ME3: variants seen among roughly 807,000 people sequenced by gnomAD.
ME3 encodes NADP-dependent malic enzyme, mitochondrial.
A neutral mutation model predicts 68.9 loss-of-function variants in ME3; 48 were observed. The observed-to-expected ratio is 0.70, with a 90% CI of 0.55 to 0.89. The LOEUF is 0.89. Among genes scored for constraint, ME3 ranks in the 40% least tolerant of loss-of-function variants. The probability of loss-of-function intolerance (pLI) is 0.00; values close to 1 mark genes in which losing one functional copy is unlikely to be tolerated. For missense variants in ME3, 675 were observed against 797.4 expected (o/e 0.85, Z 1.85); for synonymous variants, 320 against 318.8 (o/e 1.00, Z -0.04).
At chr11:86,658,342 C>T (rs546242959) in intron 2 of ME3, among the ~76,000 whole-genome samples, 45 of 151,804 alleles carry the variant, frequency 3.0e-4, no homozygotes, top group Non-Finnish European at 4.9e-4. Context: ...AGCCTGGTCT[C>T]GAACTCCTGA....
At chr11:86,623,393 C>T (rs1478776628) in intron 2 of ME3, among the ~76,000 whole-genome samples, 2 of 152,186 alleles carry the variant, frequency 1.3e-5, no homozygotes, top group African/African-American at 4.8e-5. Context: ...ACCTGGTGCT[C>T]CAACTTGCAG....
At chr11:86,481,458 G>A (rs1296076694) in intron 7 of ME3, among the ~76,000 whole-genome samples, 1 of 152,106 alleles carries the variant, frequency 6.6e-6, no homozygotes, top group Non-Finnish European at 1.5e-5. Context: ...TGTGGCATAG[G>A]AGCCTGAAGT....
In ME3 at chr11:86,651,057, G is replaced by A. The variant is rs900033863; in HGVS notation, c.183+20705C>T. On this transcript the variant is annotated intron_variant, in intron 2 of 14. Coordinates refer to ENST00000543262, the Ensembl canonical transcript of ME3. ...CAGCGAGGCTGGGGGAGGGGCACCC[G>A]CCATTGCTGAGGCTTGAGTAGGTAA... 1.6e-4 allele frequency among the ~76,000 whole-genome samples: 25 copies of A among 152,188 alleles called. No homozygotes were observed. The South Asian group carries it at 1.7e-3, about 10-fold the overall frequency.
At chr11:86,559,635 A>G (rs564524842) in intron 3 of ME3, 55 bp downstream of exon 3, 3 of 1,553,674 alleles carry the variant, frequency 1.9e-6, no homozygotes, top group African/African-American at 2.7e-5. Flanking sequence ...GAAGCACAGG[A>G]AACAGACAGC....
At chr11:86,609,289 A>T (rs1942387706) in intron 2 of ME3, among the ~76,000 whole-genome samples, 1 of 152,166 alleles carries the variant, frequency 6.6e-6, no homozygotes, top group African/African-American at 2.4e-5. Flanking sequence ...GACAGTGTAT[A>T]TACAGTGCCT....
chr11:86,573,614 C>G (rs1250942621), intron 2 of ME3, among the ~76,000 whole-genome samples: 2 of 151,886 alleles, frequency 1.3e-5, no homozygotes, highest in African/African-American at 4.9e-5. Flanking sequence ...TATCTGAATA[C>G]ACTTTATTTC....
intron 7 of ME3, among the ~76,000 whole-genome samples, chr11:86,475,854 T>TAC: frequency 1.3e-5 from 1 of 75,432 alleles, no homozygotes; most frequent in Non-Finnish European, 2.9e-5. Flanking sequence ...ATATTCAGTA[T>TAC]ATATATATAT....
At chr11:86,437,858 AGAAT>A (rs142909162), downstream of ME3, among the ~76,000 whole-genome samples, 1 of 150,806 alleles carries the variant, frequency 6.6e-6, no homozygotes, top group Non-Finnish European at 1.5e-5. Context: ...GAGGAGAGAG[AGAAT>A]GAATGAATGA....
Position 86,489,879 on chromosome 11 carries a change from C to G in ME3, c.706-2439G>C, listed in dbSNP as rs79272426. Among the ~76,000 whole-genome samples, 927 of 152,200 alleles carry G rather than the reference C, an allele frequency of 6.1e-3. 8 individuals carry two copies. The highest frequency in any genetic ancestry group is 0.021 in the African/African-American group (888 of 41,526). On this transcript the variant is annotated intron_variant, in intron 6 of 14. Transcript: ENST00000543262. Reference sequence around the variant, plus strand: ...CTCACTCATCTATTTCTCAAAGGACCCGAGAGGTAGGTCTCATCGTTTCCC... The same window carrying G: ...CTCACTCATCTATTTCTCAAAGGACGCGAGAGGTAGGTCTCATCGTTTCCC...
At chr11:86,543,310 A>G (rs1049117643) in intron 4 of ME3, among the ~76,000 whole-genome samples, 14 of 152,256 alleles carry the variant, frequency 9.2e-5, no homozygotes, top group African/African-American at 3.4e-4. Flanking sequence ...AACCATATTA[A>G]TCTTCAATGT....
At chr11:86,672,357 C>G (rs1213341864) in exon 1 of ME3, 2 of 170,256 alleles carry the variant, frequency 1.2e-5, no homozygotes, top group Non-Finnish European at 2.5e-5. Flanking sequence ...TCTACGCGGT[C>G]CCGCTGCGGA....
intron 4 of ME3, among the ~76,000 whole-genome samples, chr11:86,532,620 C>A (rs1955338370): frequency 6.6e-6 from 1 of 152,016 alleles, no homozygotes; most frequent in African/African-American, 2.4e-5. Flanking sequence ...TCTGAACAAC[C>A]CTTAGGTCAA....
chr11:86,595,306 T>TAGAGAGAGAGAGAGAG (rs34224480), intron 2 of ME3, among the ~76,000 whole-genome samples: 1 of 79,792 alleles, frequency 1.3e-5, no homozygotes, highest in Admixed American at 1.5e-4. Flanking sequence ...TATATATATA[T>TAGAGAGAGAGAGAGAG]AGAGAGAGAG....
intron 4 of ME3, among the ~76,000 whole-genome samples, chr11:86,536,969 A>T (rs1427130014): frequency 6.6e-6 from 1 of 151,950 alleles, no homozygotes; most frequent in Non-Finnish European, 1.5e-5. Context: ...AAAAATGATG[A>T]GTTCATGTCC....
At chr11:86,529,476 A>G (rs1409870776) in intron 4 of ME3, among the ~76,000 whole-genome samples, 7 of 152,220 alleles carry the variant, frequency 4.6e-5, no homozygotes, top group Non-Finnish European at 1.0e-4. Flanking sequence ...CAATCAATAG[A>G]AAAAGAGGGA....
rs1455286596 is a variant in ME3, at chr11:86,559,687, G to A, written c.317+3C>T. ...ACAGAGAGAACAGACACTAGGTACT[G>A]ACTTGTCCAGGTCACTCTGCTGCCG... On this transcript the variant is annotated splice_donor_region_variant and intron_variant, in intron 3 of 14. Transcript: ENST00000543262. The A allele has an allele frequency of 1.2e-6, 2 of 1,612,686 alleles. No homozygotes were observed. Among genetic ancestry groups the A allele is most frequent in the East Asian group, 2.2e-5 (1 of 44,864 alleles).
downstream of ME3, among the ~76,000 whole-genome samples, chr11:86,437,828 A>C (rs1447084815): frequency 6.6e-6 from 1 of 150,398 alleles, no homozygotes; most frequent in Admixed American, 6.7e-5. Context: ...TATTAGTTCC[A>C]GTAGACAGAG....
At chr11:86,649,273 C>A (rs1349356015) in intron 2 of ME3, among the ~76,000 whole-genome samples, 2 of 152,088 alleles carry the variant, frequency 1.3e-5, no homozygotes, top group African/African-American at 4.8e-5. Context: ...CCCCTTCATG[C>A]TAAAAACACT....
chr11:86,540,699 G>C (rs1010982831), intron 4 of ME3, among the ~76,000 whole-genome samples: 5 of 152,206 alleles, frequency 3.3e-5, no homozygotes, highest in African/African-American at 1.2e-4. Context: ...ACAAGGACAT[G>C]AATATAATAA....
Sources: allele counts gnomAD v4.1 joint callset (sites outside exome capture counted in the v4.1 genomes callset), GRCh38; gene constraint gnomAD v4.1.1; transcripts MANE v1.5; gene names NCBI Gene and HGNC (gene_info 2026-07-23, HGNC 2026-07-21).